TTN: variants seen among roughly 807,000 people sequenced by gnomAD.
TTN encodes the protein titin.
Under a neutral mutation model 3,223.0 loss-of-function variants are expected in TTN, and 1,525 were observed. That is an observed-to-expected ratio of 0.47 (90% confidence interval 0.45 to 0.49). The LOEUF is 0.49. Among genes scored for constraint, TTN ranks in the 20% least tolerant of loss-of-function variants. The pLI is 0.00. For synonymous variants in TTN, 14,094 were observed against 15,161.0 expected (o/e 0.93, Z 5.17); for missense variants, 40,786 against 43,424.0 (o/e 0.94, Z 5.40).
rs1702786623 is a variant in TTN, at chr2:178,559,443, T to G, written c.86689A>C (p.Asn28897His). Residue 28897 changes from asparagine to histidine, a missense_variant, in exon 326 of 363, where the codon AAC becomes CAC. Coordinates refer to ENST00000589042, the MANE Select transcript of TTN (RefSeq NM_001267550.2). The part of the protein sequence containing the change: ...ASKKAWVSVT[N>H]NCNRLSYKVT... ...TTGTAGGAGAGGCGGTTACAGTTGTTGGTCACAGAGACCCATGCTTTCTTG... is the reference window on the plus strand; with the variant it reads ...TTGTAGGAGAGGCGGTTACAGTTGTGGGTCACAGAGACCCATGCTTTCTTG... 6.2e-7 allele frequency: 1 copy of G among 1,613,664 alleles called. No individual in the cohort carries two copies. The highest frequency in any genetic ancestry group is 8.5e-7 in the Non-Finnish European group (1 of 1,179,738).
chr2:178,594,247 A>G lies in TTN; in HGVS notation c.58151-5T>C. ...CGAGGTGAAGCGTTGGGGGTGCTAA[A>G]ATTTGTAATTATAAAGGCAAGTCAT... is the stretch of plus-strand genomic sequence containing the variant. On this transcript the variant is annotated splice_region_variant and splice_polypyrimidine_tract_variant and intron_variant, in intron 296 of 362. Transcript: ENST00000589042. 1 of 1,601,562 alleles carries G rather than the reference A, an allele frequency of 6.2e-7. No individual in the cohort carries two copies. The highest frequency in any genetic ancestry group is 8.5e-7 in the Non-Finnish European group (1 of 1,176,890).
Position 178,573,365 on chromosome 2 carries a change from T to C in TTN, c.72767A>G (p.Asn24256Ser). The change falls in exon 326 of 363, where the codon AAT becomes AGT. Residue 24256 changes from asparagine to serine, a missense_variant. By Grantham distance (46) the Asn-to-Ser change is conservative (BLOSUM62 1). Coordinates refer to ENST00000589042, the MANE Select transcript of TTN (RefSeq NM_001267550.2). ...TTTATCACGCCGTTCCACAATATAA[T>C]TGATGATTTCACTTCCACCATCAGA... ...PDSDGGSEIINYIVERRDKAG... is the reference protein window; with the variant it reads ...PDSDGGSEIISYIVERRDKAG... 1.3e-6 allele frequency: 2 copies of C among 1,526,214 alleles called. No individual in the cohort carries two copies. The allele number at this position is 1,526,214 out of a possible 1,614,324, so 94.5% of individuals were successfully genotyped here.
At position 178,601,518 on chromosome 2, in the gene TTN, C is replaced by T. The variant is rs573602671; in HGVS notation, c.55479G>A (p.Arg18493=). ...TCTTCCATGAAAGTCTGCAACTACCCCTTGTGATATCACTGACTTTCAGAT... is the reference window on the plus strand; with the variant it reads ...TCTTCCATGAAAGTCTGCAACTACCTCTTGTGATATCACTGACTTTCAGAT... ...PKDLKVSDIT[R]GSCRLSWKMP... is the part of the protein sequence containing the mutation. Residue 18493 remains arginine, a synonymous_variant, in exon 287 of 363, where the codon AGG becomes AGA. Coordinates refer to ENST00000589042, the MANE Select transcript of TTN (RefSeq NM_001267550.2). 3.7e-6 allele frequency: 6 copies of T among 1,612,848 alleles called. No individual in the cohort carries two copies. The South Asian group carries it at 6.6e-5, about 18-fold the overall frequency.
chr2:178,614,957 G>C lies in TTN; in HGVS notation c.48650C>G (p.Thr16217Arg). 1 of 1,598,356 alleles carries C rather than the reference G, an allele frequency of 6.3e-7. No homozygotes were observed. The highest frequency in any genetic ancestry group is 8.5e-7 in the Non-Finnish European group (1 of 1,171,622). Residue 16217 changes from threonine to arginine, a missense_variant, in exon 260 of 363, where the codon ACA (threonine) becomes AGA (arginine). Thr to Arg is a moderately conservative substitution (Grantham distance 71). Transcript: ENST00000589042. ...ATACCATTTGCCTTCCTCAAGACCT[G>C]TCACTTCCATTCTGTCAGAAAACAG... Reference protein sequence around the residue: ...EPVAETKMEVTGLEEGKWYAY... With the variant: ...EPVAETKMEVRGLEEGKWYAY...
chr2:178,797,871 TCTC>T (rs2093852302), intron 6 of TTN, among the ~76,000 whole-genome samples: 1 of 152,080 alleles, frequency 6.6e-6, no homozygotes, highest in Non-Finnish European at 1.5e-5. Flanking sequence ...CAGATTGTCT[TCTC>T]TTTTTTTTTC....
At chr2:178,684,812 C>T in intron 130 of TTN, 63 bp from the exon 131 acceptor site, 1 of 1,563,566 alleles carries the variant, frequency 6.4e-7, no homozygotes, top group Non-Finnish European at 8.7e-7. Flanking sequence ...CACAGGCACA[C>T]TTATTTTCTG....
Position 178,578,175 on chromosome 2 carries a change from G to A in TTN, c.68340C>T (p.Leu22780=), listed in dbSNP as rs763640690. 86 of 1,611,338 alleles carry A rather than the reference G, an allele frequency of 5.3e-5. No homozygotes were observed. In the East Asian group the frequency reaches 1.9e-3, roughly 35 times the overall value. Residue 22780 remains leucine, a synonymous_variant, in exon 322 of 363, where the codon CTC becomes CTT. Coordinates refer to ENST00000589042, the MANE Select transcript of TTN (RefSeq NM_001267550.2). The part of the protein sequence containing the change: ...TGGSPITGYH[L]EFKERNSLLW... ...AAAGGCTGTTTCTTTCCTTGAACTC[G>A]AGATGATACCCTACAAAAGACCCAG... is the stretch of plus-strand genomic sequence containing the variant.
intron 47 of TTN, chr2:178,747,197 T>C (rs779700691): frequency 1.9e-6 from 3 of 1,609,650 alleles, no homozygotes; most frequent in Non-Finnish European, 1.7e-6. Flanking sequence ...CTCTAGAGTC[T>C]CTCCTGGAGG....
intron 321 of TTN, 91 bp downstream of exon 321, chr2:178,578,520 G>T: frequency 1.0e-6 from 1 of 973,612 alleles, no homozygotes; most frequent in Non-Finnish European, 1.6e-6. Flanking sequence ...AGCAGATAAT[G>T]TTATCGATAA....
At position 178,551,004 on chromosome 2, in the gene TTN, T is replaced by G; in HGVS notation, c.91527A>C (p.Ser30509=). 6.2e-7 allele frequency: 1 copy of G among 1,613,316 alleles called. No individual in the cohort carries two copies. Among genetic ancestry groups the G allele is most frequent in the Non-Finnish European group, 8.5e-7 (1 of 1,179,562 alleles). Residue 30509 remains serine, a synonymous_variant, in exon 336 of 363, where the codon TCA becomes TCC. Coordinates refer to ENST00000589042, the MANE Select transcript of TTN (RefSeq NM_001267550.2). ...TTGTCATAATAATGCCAGAAGACTG[T>G]GAGGGCGGGCTTATAGTTCCAACAG... is the stretch of plus-strand genomic sequence containing the variant. The part of the protein sequence containing the change: ...RNAVGTISPP[S]QSSGIIMTRD...
chr2:178,694,117 T>C, intron 117 of TTN, 109 bp from the exon 118 acceptor site: 1 of 790,506 alleles, frequency 1.3e-6, no homozygotes, highest in Non-Finnish European at 2.0e-6. Flanking sequence ...AGTGGGTTAA[T>C]ATGGTAGCTT....
Position 178,733,675 on chromosome 2 carries a change from G to T in TTN, c.15714C>A (p.Tyr5238Ter). 1 of 1,613,710 alleles carries T rather than the reference G, an allele frequency of 6.2e-7. No individual in the cohort carries two copies. The highest frequency in any genetic ancestry group is 1.1e-5 in the South Asian group (1 of 91,066). ...CAGCTTCATTTTCAGCCAGGCACGT[G>T]TATTTGCCTCCAAAACTAATCTGAA... ...PDVQISFGGKYTCLAENEAGS... is the reference protein window; with the variant it reads ...PDVQISFGGK Residue 5238 changes from tyrosine (Y) to a stop codon, truncating the protein, a stop_gained, in exon 53 of 363, where the codon TAC becomes TAA. Transcript: ENST00000589042. LOFTEE classifies it high-confidence loss of function.
Position 178,528,387 on chromosome 2 carries a change from T to C in TTN, c.107264A>G (p.Asn35755Ser). The stretch of plus-strand genomic sequence containing the variant: ...ATTTCGGATTTCAAGGGAGTATACA[T>C]TTCTGGAGCGGCTTATGCTGACATT... ...SSNVSISRSR[N>S]VYSLEIRNAS... Residue 35755 changes from asparagine to serine, a missense_variant, in exon 361 of 363, where the codon AAT (asparagine) becomes AGT (serine). Asn to Ser is a conservative substitution (Grantham distance 46). Transcript: ENST00000589042. 6.2e-7 allele frequency: 1 copy of C among 1,614,002 alleles called. No homozygotes were observed. The highest frequency in any genetic ancestry group is 8.5e-7 in the Non-Finnish European group (1 of 1,179,876).
In TTN at chr2:178,548,924, C is replaced by T. The variant is rs879214233; in HGVS notation, c.92702G>A (p.Gly30901Asp). Residue 30901 changes from glycine (G) to aspartate (D), a missense_variant, in exon 339 of 363, where the codon GGT (glycine) becomes GAT (aspartate). Physicochemically the swap from Gly to Asp is moderately conservative, Grantham distance 94. Transcript: ENST00000589042. The surrounding 1 kb of genome is among the most constrained non-coding windows in gnomAD (Gnocchi z 4.3). ...EYKFRVSAIN[G>D]AGKGDSCEVT... is the part of the protein sequence containing the mutation. ...TTCACAGCTGTCGCCTTTTCCAGCA[C>T]CATTGATAGCACTAACTCGGAATTT... The T allele has an allele frequency of 1.2e-6, 2 of 1,613,774 alleles. No individual in the cohort carries two copies. The highest frequency in any genetic ancestry group is 2.7e-5 in the African/African-American group (2 of 74,910).
intron 326 of TTN, 59 bp from the exon 327 acceptor site, chr2:178,558,696 A>G (rs1702425185): frequency 2.0e-6 from 3 of 1,508,154 alleles, no homozygotes; most frequent in Non-Finnish European, 2.7e-6. Flanking sequence ...TTAAATGTGC[A>G]CTCTTCATGT....
Position 178,584,445 on chromosome 2 carries a change from G to T in TTN, c.65106C>A (p.Asn21702Lys). Residue 21702 changes from asparagine to lysine, a missense_variant, in exon 311 of 363, where the codon AAC becomes AAA. By Grantham distance (94) the Asn-to-Lys change is moderately conservative. Coordinates refer to ENST00000589042, the MANE Select transcript of TTN (RefSeq NM_001267550.2). ...IGYLIERKER[N>K]SLLWVKANDT... is the part of the protein sequence containing the mutation. ...CATTGGCTTTCACCCACAGCAAACTGTTTCTTTCCTTGCGTTCAATCAGAT... is the reference window on the plus strand; with the variant it reads ...CATTGGCTTTCACCCACAGCAAACTTTTTCTTTCCTTGCGTTCAATCAGAT... The T allele has an allele frequency of 6.2e-7, 1 of 1,613,258 alleles. No individual in the cohort carries two copies. The highest frequency in any genetic ancestry group is 1.7e-5 in the Admixed American group (1 of 59,978).
At chr2:178,556,180 AACACT>A (rs755386591) in intron 330 of TTN, 1 of 152,732 alleles carries the variant, frequency 6.5e-6, no homozygotes, top group Non-Finnish European at 1.5e-5. Context: ...CTGTAATCCC[AACACT>A]TTGGGAGGCC....
rs1254767063 is a variant in TTN, at chr2:178,757,884, A to G, written c.10336T>C (p.Ser3446Pro). The G allele has an allele frequency of 9.8e-6, 15 of 1,528,812 alleles. No homozygotes were observed. Among genetic ancestry groups the G allele is most frequent in the Non-Finnish European group, 9.6e-6 (11 of 1,140,920 alleles). The allele number at this position is 1,528,812 out of a possible 1,614,324, so 94.7% of individuals were successfully genotyped here. A position where few individuals can be genotyped will look rare whatever the true frequency, so the allele number is the denominator to read the frequency against. ...FSKFEENTSN[S>P]QWHVSLSVSF... Reference sequence around the variant, plus strand: ...ACTGATAAAGAGACATGCCATTGGGAGTTTGATGTATTTTCTTCAAATTTG... The same window carrying G: ...ACTGATAAAGAGACATGCCATTGGGGGTTTGATGTATTTTCTTCAAATTTG... The change falls in exon 45 of 363, where the codon TCC (serine) becomes CCC (proline). Residue 3446 changes from serine to proline, a missense_variant. By Grantham distance (74) the Ser-to-Pro change is moderately conservative. Transcript: ENST00000589042.
At chr2:178,644,744 A>C (rs2061669551) in intron 217 of TTN, 128 bp from the exon 218 acceptor site, 1 of 648,186 alleles carries the variant, frequency 1.5e-6, no homozygotes, top group Non-Finnish European at 2.5e-6. Context: ...AGCCAAGAAC[A>C]GCCTTCAAAG....
Sources: gnomAD v4.1 joint callset for allele counts (sites outside exome capture counted in the v4.1 genomes callset) on GRCh38, gnomAD v4.1.1 for gene constraint, Gnocchi (gnomAD v3.1) non-coding constraint, MANE v1.5 for transcripts, NCBI Gene and HGNC (gene_info 2026-07-23, HGNC 2026-07-21) for gene names.